Variants in DIAPH2 observed in about 807,000 individuals in gnomAD.
The protein encoded by DIAPH2 is diaphanous related formin 2, also known as protein diaphanous homolog 2.
A neutral mutation model predicts 92.7 loss-of-function variants in DIAPH2; 35 were observed. That is an observed-to-expected ratio of 0.38 (90% CI 0.29 to 0.50). The LOEUF (loss-of-function observed/expected upper bound fraction) is 0.50. Among genes scored for constraint, DIAPH2 ranks in the 20% least tolerant of loss-of-function variants. The probability of loss-of-function intolerance (pLI) is 0.94; values close to 1 mark genes in which losing one functional copy is unlikely to be tolerated. For missense variants in DIAPH2, 701 were observed against 819.5 expected (o/e 0.86, Z 1.77); for synonymous variants, 301 against 280.4 (o/e 1.07, Z -0.73).
At chrX:96,902,576 C>T (rs184780690) in intron 5 of DIAPH2, among the ~76,000 whole-genome samples, 151 of 110,840 alleles carry the variant, frequency 1.4e-3, no homozygotes, top group African/African-American at 4.8e-3. Flanking sequence ...GTAATTCCTG[C>T]GTTAATTACT....
intron 17 of DIAPH2, among the ~76,000 whole-genome samples, chrX:97,051,032 TGTAA>T (rs1452738187): frequency 1.7e-3 from 193 of 111,854 alleles, no homozygotes; most frequent in African/African-American, 5.8e-3. Context: ...ACACTATAAA[TGTAA>T]GTAAGTTTTT....
intron 4 of DIAPH2, among the ~76,000 whole-genome samples, chrX:96,761,033 C>T (rs1373744823): frequency 1.3e-4 from 15 of 111,223 alleles, no homozygotes; most frequent in African/African-American, 4.9e-4. Context: ...ATTTTCAAAA[C>T]ACCAGCATAT....
At chrX:97,595,782 G>A (rs1054967076) in intron 26 of DIAPH2, among the ~76,000 whole-genome samples, 37 of 110,861 alleles carry the variant, frequency 3.3e-4, no homozygotes, top group Non-Finnish European at 7.0e-4. Context: ...ACAGGCATGC[G>A]CCACCATGCC....
intron 25 of DIAPH2, among the ~76,000 whole-genome samples, chrX:97,420,371 TCATC>T (rs1261709294): frequency 8.9e-6 from 1 of 112,086 alleles, no homozygotes; most frequent in East Asian, 2.8e-4. Context: ...AGAAATCACT[TCATC>T]CATCCTTCAT....
At position 96,884,485 on chromosome X, in the gene DIAPH2, G is replaced by A. The variant is rs1215483768; in HGVS notation, c.587+2767G>A. On this transcript the variant is annotated intron_variant, in intron 5 of 26. Transcript: ENST00000324765. ...TGTGAACCAGCTTCTCAGCTCTACT[G>A]TGTTTGACCCTGTGTTCAAGGTTAG... 3.4e-5 allele frequency: 41 copies of A among 1,209,107 alleles called. No homozygotes were observed. Among genetic ancestry groups the A allele is most frequent in the Non-Finnish European group, 4.5e-5 (40 of 895,036 alleles).
chrX:96,940,187 A>G (rs755785048), intron 12 of DIAPH2, among the ~76,000 whole-genome samples: 1 of 111,561 alleles, frequency 9.0e-6, no homozygotes, highest in Admixed American at 9.5e-5. Context: ...ATATTAAGTA[A>G]GGTTTTACTG....
rs1321511083 is a variant in DIAPH2, at chrX:96,942,079, A to G, written c.1387A>G (p.Met463Val). 2.5e-6 allele frequency: 3 copies of G among 1,191,964 alleles called. No individual in the cohort carries two copies. Among genetic ancestry groups the G allele is most frequent in the Middle Eastern group, 2.3e-4 (1 of 4,276 alleles). ...VSQIVLHCSG[M>V]DPDFKYRQRL... ...ACAGATAGTGCTACACTGCAGTGGT[A>G]TGGATCCAGACTTCAAATACAGGCA... is the stretch of plus-strand genomic sequence containing the variant. The change falls in exon 13 of 27, where the codon ATG (methionine) becomes GTG (valine). Residue 463 changes from methionine to valine, a missense_variant. By Grantham distance (21) the Met-to-Val change is conservative. Transcript: ENST00000324765.
rs1432052302 is a variant in DIAPH2 at position 97,601,412 on chromosome X, A to G, written c.*2095A>G. 3.7e-5 allele frequency: 4 copies of G among 106,759 alleles called. No homozygotes were observed. The highest frequency in any genetic ancestry group is 5.8e-5 in the Non-Finnish European group (3 of 51,328). The allele number at this position is 106,759 out of a possible 1,213,427, so 8.8% of individuals were successfully genotyped here. On this transcript the variant is annotated 3_prime_UTR_variant, in exon 27 of 27. Transcript: ENST00000324765. ...TATTATTGATAACTTATATATTTTT[A>G]TTTAGAGCAATCCCACATGCTTTTC...
chrX:96,853,747 C>A (rs952139233), intron 4 of DIAPH2, among the ~76,000 whole-genome samples: 1 of 111,730 alleles, frequency 9.0e-6, no homozygotes, highest in African/African-American at 3.2e-5. Context: ...TTACTATTTA[C>A]TATTTCTCTT....
At chrX:97,011,357 A>G (rs1477482866) in intron 17 of DIAPH2, among the ~76,000 whole-genome samples, 1 of 111,872 alleles carries the variant, frequency 8.9e-6, no homozygotes, top group African/African-American at 3.2e-5. Flanking sequence ...AGGATCTGCC[A>G]TACGTTATGT....
intron 17 of DIAPH2, among the ~76,000 whole-genome samples, chrX:97,047,409 G>A (rs185932707): frequency 3.1e-4 from 34 of 108,366 alleles, no homozygotes; most frequent in African/African-American, 6.7e-4. Context: ...TTTTTGAAGC[G>A]TAGTCAGTTA....
rs189111410 is a variant in DIAPH2, at chrX:96,848,277, G to A, written c.448-33302G>A. On this transcript the variant is annotated intron_variant, in intron 4 of 26. Transcript: ENST00000324765. Reference sequence around the variant, plus strand: ...GCTGATCTTGAACTCCTGGCTTCAAGCAATCCTCCCGCCATGGCCTCCCAA... The same window carrying A: ...GCTGATCTTGAACTCCTGGCTTCAAACAATCCTCCCGCCATGGCCTCCCAA... Among the ~76,000 whole-genome samples the A allele has an allele frequency of 9.6e-3, 1,066 of 111,460 alleles. 6 individuals carry two copies. Among genetic ancestry groups the A allele is most frequent in the South Asian group, 0.031 (81 of 2,636 alleles).
At chrX:96,796,177 T>A (rs748400707) in intron 4 of DIAPH2, among the ~76,000 whole-genome samples, 37 of 111,328 alleles carry the variant, frequency 3.3e-4, no homozygotes, top group East Asian at 1.1e-3. Flanking sequence ...TTTTTAGTTT[T>A]GTTTTGTTTT....
At chrX:96,704,947 T>G (rs1165472410) in intron 1 of DIAPH2, among the ~76,000 whole-genome samples, 2 of 107,622 alleles carry the variant, frequency 1.9e-5, no homozygotes, top group African/African-American at 6.8e-5. Context: ...AAGGGAAGAA[T>G]GCATTCAGAG....
intron 26 of DIAPH2, among the ~76,000 whole-genome samples, chrX:97,451,530 T>A (rs1028036369): frequency 3.6e-5 from 4 of 111,674 alleles, no homozygotes; most frequent in African/African-American, 1.3e-4. Context: ...CGAATTTAAG[T>A]TGTATGATGA....
chrX:97,250,632 G>A (rs1231347612), intron 23 of DIAPH2, among the ~76,000 whole-genome samples: 1 of 111,723 alleles, frequency 9.0e-6, no homozygotes, highest in Non-Finnish European at 1.9e-5. Context: ...CAGAGATTAT[G>A]TATGGTTTGT....
chrX:97,097,967 T>C (rs1302876539), intron 19 of DIAPH2, among the ~76,000 whole-genome samples: 1 of 112,104 alleles, frequency 8.9e-6, no homozygotes, highest in African/African-American at 3.2e-5. Context: ...TGTGGTTATA[T>C]CCATATTTAT....
chrX:97,288,186 T>C (rs747414828), intron 23 of DIAPH2, among the ~76,000 whole-genome samples: 7 of 109,956 alleles, frequency 6.4e-5, no homozygotes, highest in Non-Finnish European at 1.3e-4. Flanking sequence ...TTGGCTGAGG[T>C]TGGTGAGTAT....
intron 22 of DIAPH2, among the ~76,000 whole-genome samples, chrX:97,162,809 T>C (rs1029977167): frequency 2.7e-5 from 3 of 111,792 alleles, no homozygotes; most frequent in Non-Finnish European, 5.6e-5. Context: ...GCCACCGTGT[T>C]CCTTTTATTG....
Sources: allele counts gnomAD v4.1 joint callset (sites outside exome capture counted in the v4.1 genomes callset), GRCh38; gene constraint gnomAD v4.1.1; transcripts MANE v1.5; gene names NCBI Gene and HGNC (gene_info 2026-07-23, HGNC 2026-07-21).